UBQLN4: variants seen among roughly 807,000 people sequenced by gnomAD.
The protein encoded by UBQLN4 is ubiquilin-4.
UBQLN4 carries 11 observed loss-of-function variants against 60.4 expected under a neutral mutation model. The ratio of observed to expected loss-of-function variants is 0.18; its 90% CI spans 0.11 to 0.30. UBQLN4 has a LOEUF of 0.30. Ranked by LOEUF, UBQLN4 falls within the 10% of genes least tolerant of loss-of-function variation. The pLI, the probability that UBQLN4 is intolerant of heterozygous loss-of-function variation, is 1.00. For synonymous variants in UBQLN4, 258 were observed against 313.1 expected, an observed-to-expected ratio of 0.82 and a Z score of 1.86; for missense variants, 417 against 795.5, an observed-to-expected ratio of 0.52 and a Z score of 5.72.
downstream of UBQLN4, among the ~76,000 whole-genome samples, chr1:156,032,838 C>T (rs1013020055): frequency 6.6e-6 from 1 of 152,166 alleles, no homozygotes; most frequent in African/African-American, 2.4e-5. Flanking sequence ...AAGAAGATCC[C>T]AGCCTTGTTC....
chr1:156,041,625 T>C lies in UBQLN4; in HGVS notation c.1513A>G (p.Ser505Gly). The C allele has an allele frequency of 1.2e-6, 2 of 1,603,490 alleles. No individual in the cohort carries two copies. Among genetic ancestry groups the C allele is most frequent in the East Asian group, 2.2e-5 (1 of 44,466 alleles). ...ISRTPAPSAGSNAGSTPEAPT... is the reference protein window; with the variant it reads ...ISRTPAPSAGGNAGSTPEAPT... ...GCCTCGGGCGTAGACCCTGCGTTGC[T>C]GCCTGCTGAGGGTGCTGGGGTCCGG... Residue 505 changes from serine to glycine, a missense_variant, in exon 10 of 11, where the codon AGC becomes GGC. Coordinates refer to ENST00000368309, the MANE Select transcript of UBQLN4 (RefSeq NM_020131.5).
At chr1:156,040,484 C>T (rs1382000102) in intron 10 of UBQLN4, among the ~76,000 whole-genome samples, 1 of 131,520 alleles carries the variant, frequency 7.6e-6, no homozygotes, top group Non-Finnish European at 1.5e-5. Flanking sequence ...CTCGCTCTGT[C>T]ACCCAGGCTG....
chr1:156,053,441 A>C lies in UBQLN4; in HGVS notation c.108+153T>G, dbSNP rs1015343969. ...GATCTCCCCTCGCAGGGCGCCCCCTACCCGCCTCTCCTTGCCTTCAGCTCC... is the reference window on the plus strand; with the variant it reads ...GATCTCCCCTCGCAGGGCGCCCCCTCCCCGCCTCTCCTTGCCTTCAGCTCC... On this transcript the variant is annotated intron_variant, in intron 1 of 10. Coordinates refer to ENST00000368309, the MANE Select transcript of UBQLN4 (RefSeq NM_020131.5). Among the ~76,000 whole-genome samples, 374 of 104,904 alleles carry C rather than the reference A, an allele frequency of 3.6e-3. 4 individuals are homozygous for C. The highest frequency in any genetic ancestry group is 0.019 in the Admixed American group (218 of 11,508). 68.8% of individuals were successfully genotyped at this position (104,904 alleles called of 152,430 possible). A position where few individuals can be genotyped will look rare whatever the true frequency, so the allele number is the denominator to read the frequency against.
Position 156,053,732 on chromosome 1 carries a change from C to T in UBQLN4, c.-31G>A. ...CGCCGCCACCCGGCCGCCCGCCAGCCCGCCCGGCTCCTCCTCCTCCCCGCC... is the reference window on the plus strand; with the variant it reads ...CGCCGCCACCCGGCCGCCCGCCAGCTCGCCCGGCTCCTCCTCCTCCCCGCC... On this transcript the variant is annotated 5_prime_UTR_variant, in exon 1 of 11. Transcript: ENST00000368309. 8.2e-7 allele frequency: 1 copy of T among 1,225,758 alleles called. No individual in the cohort carries two copies. The highest frequency in any genetic ancestry group is 1.0e-6 in the Non-Finnish European group (1 of 968,452). 75.9% of individuals were successfully genotyped at this position (1,225,758 alleles called of 1,614,324 possible).
rs1411590668 is a variant in UBQLN4, at chr1:156,051,865, C to T, written c.109-8G>A. The T allele has an allele frequency of 1.9e-6, 3 of 1,613,880 alleles. No individual in the cohort carries two copies. The highest frequency in any genetic ancestry group is 2.7e-5 in the African/African-American group (2 of 74,914). Reference sequence around the variant, plus strand: ...GGAGATTTCCTCTTTGAACTGTGATCAAGAGGCAGAGGTCACTGTGGAGGC... The same window carrying T: ...GGAGATTTCCTCTTTGAACTGTGATTAAGAGGCAGAGGTCACTGTGGAGGC... On this transcript the variant is annotated splice_region_variant and splice_polypyrimidine_tract_variant and intron_variant, in intron 1 of 10. Coordinates refer to ENST00000368309, the MANE Select transcript of UBQLN4 (RefSeq NM_020131.5).
intron 6 of UBQLN4, among the ~76,000 whole-genome samples, 170 bp downstream of exon 6, chr1:156,043,828 C>A (rs1683629860): frequency 6.6e-6 from 1 of 152,158 alleles, no homozygotes; most frequent in Non-Finnish European, 1.5e-5. Flanking sequence ...CAGGACATGG[C>A]CAGAACCAGC....
chr1:156,043,229 A>C (rs1683614603), intron 6 of UBQLN4, among the ~76,000 whole-genome samples: 1 of 152,196 alleles, frequency 6.6e-6, no homozygotes, highest in Non-Finnish European at 1.5e-5. Flanking sequence ...AGAAATGATT[A>C]AATATCATCT....
rs542670803 is a variant in UBQLN4, at chr1:156,050,928, T to C, written c.478+182A>G. On this transcript the variant is annotated intron_variant, in intron 3 of 10. Coordinates refer to ENST00000368309, the MANE Select transcript of UBQLN4 (RefSeq NM_020131.5). This position sits in a 1 kb window ranked among gnomAD's most constrained non-coding sequence, Gnocchi z 4.6. ...CTAACCCTTAGCCATGGTCCCCACC[T>C]CTGAGAACTCCTCAGACTAGTTTCT... Among the ~76,000 whole-genome samples the C allele has an allele frequency of 1.5e-4, 22 of 151,280 alleles. No individual in the cohort carries two copies. Among genetic ancestry groups the C allele is most frequent in the Non-Finnish European group, 2.9e-4 (20 of 67,902 alleles).
At chr1:156,051,375 G>A (rs1230062461) in intron 2 of UBQLN4, 48 bp from the exon 3 acceptor site, 6 of 1,538,314 alleles carry the variant, frequency 3.9e-6, no homozygotes, top group Non-Finnish European at 4.4e-6. Flanking sequence ...ACTAGAAGAG[G>A]GAAGGTACCG....
chr1:156,053,555 C>G, intron 1 of UBQLN4, 39 bp downstream of exon 1: 1 of 1,172,694 alleles, frequency 8.5e-7, no homozygotes, highest in African/African-American at 1.6e-5. Context: ...TCGCAGACCC[C>G]TCCTCCGCGC....
chr1:156,052,755 CG>C (rs1020582591), intron 1 of UBQLN4, among the ~76,000 whole-genome samples: 3 of 152,156 alleles, frequency 2.0e-5, no homozygotes, highest in African/African-American at 4.8e-5. Context: ...CAATGAGAGC[CG>C]TTTTCAAATT....
At chr1:156,051,063 A>C (rs777542631) in intron 3 of UBQLN4, 47 bp downstream of exon 3, 1 of 1,581,900 alleles carries the variant, frequency 6.3e-7, no homozygotes, top group South Asian at 1.1e-5. Context: ...GCTTTCCCCA[A>C]CTCCCCAACC....
Position 156,048,524 on chromosome 1 carries a change from T to A in UBQLN4, c.877A>T (p.Met293Leu), listed in dbSNP as rs370666039. 1.2e-6 allele frequency: 2 copies of A among 1,612,052 alleles called. No homozygotes were observed. The highest frequency in any genetic ancestry group is 2.7e-5 in the African/African-American group (2 of 74,844). Residue 293 changes from methionine (M) to leucine (L), a missense_variant, in exon 5 of 11, where the codon ATG becomes TTG. Transcript: ENST00000368309. The surrounding 1 kb of genome is among the most constrained non-coding windows in gnomAD (Gnocchi z 4.9). ...ACCTGTTCCCGGGCAGCACTGAACATGGGCTCCTGGATGTCCGTGTACATG... is the reference window on the plus strand; with the variant it reads ...ACCTGTTCCCGGGCAGCACTGAACAAGGGCTCCTGGATGTCCGTGTACATG... ...RRMYTDIQEP[M>L]FSAAREQFGN... is the part of the protein sequence containing the mutation.
chr1:156,050,491 G>A lies in UBQLN4; in HGVS notation c.541C>T (p.Leu181=). 2 of 1,613,866 alleles carry A rather than the reference G, an allele frequency of 1.2e-6. No individual in the cohort carries two copies. The highest frequency in any genetic ancestry group is 1.7e-6 in the Non-Finnish European group (2 of 1,180,016). The change falls in exon 4 of 11, where the codon CTG becomes TTG. Residue 181 remains leucine (L), a synonymous_variant. Coordinates refer to ENST00000368309, the MANE Select transcript of UBQLN4 (RefSeq NM_020131.5). This position sits in a 1 kb window ranked among gnomAD's most constrained non-coding sequence, Gnocchi z 4.6. The part of the protein sequence containing the change: ...LGLGSANFME[L]QQQMQRQLMS... ...AGCTGCCGCTGCATCTGCTGCTGCA[G>A]CTCCATGAAGTTGGCAGAGCCCAGG...
downstream of UBQLN4, among the ~76,000 whole-genome samples, chr1:156,033,836 C>G (rs924730976): frequency 1.3e-4 from 20 of 149,822 alleles, no homozygotes; most frequent in African/African-American, 4.4e-4. Flanking sequence ...AAGAGTGAAA[C>G]TCCATCTTGA....
chr1:156,042,632 T>G, intron 7 of UBQLN4, 142 bp downstream of exon 7: 2 of 1,309,896 alleles, frequency 1.5e-6, no homozygotes, highest in Non-Finnish European at 2.1e-6. Context: ...AATAACTTGC[T>G]TAACTCACAC....
At chr1:156,040,439 A>C (rs1184262688) in intron 10 of UBQLN4, among the ~76,000 whole-genome samples, 10 of 112,568 alleles carry the variant, frequency 8.9e-5, no homozygotes, top group South Asian at 3.1e-4. Context: ...CACAGTCCAC[A>C]CATTTTTTTT....
intron 9 of UBQLN4, 80 bp downstream of exon 9, chr1:156,041,792 T>A (rs1022875747): frequency 6.8e-7 from 1 of 1,478,326 alleles, no homozygotes. Flanking sequence ...ACACAAAGGA[T>A]GCTGAGAGAG....
chr1:156,040,646 G>A (rs935638857), intron 10 of UBQLN4, among the ~76,000 whole-genome samples: 10 of 151,734 alleles, frequency 6.6e-5, no homozygotes, highest in Non-Finnish European at 1.3e-4. Flanking sequence ...TAGAGATGGG[G>A]TTTCACCGTG....
Sources: allele counts gnomAD v4.1 joint callset (sites outside exome capture counted in the v4.1 genomes callset), GRCh38; gene constraint gnomAD v4.1.1; non-coding constraint Gnocchi (gnomAD v3.1); transcripts MANE v1.5; gene names NCBI Gene and HGNC (gene_info 2026-07-23, HGNC 2026-07-21).